Variants in XYLT1 observed in about 807,000 individuals in gnomAD.
The protein encoded by XYLT1 is beta-D-xylosyltransferase 1.
A neutral mutation model predicts 91.3 loss-of-function variants in XYLT1; 36 were observed. The observed-to-expected ratio is 0.39, with a 90% CI of 0.30 to 0.52. The LOEUF is 0.52. XYLT1 is among the 20% of genes least tolerant of loss of function. XYLT1 has a pLI of 0.68. For synonymous variants in XYLT1, 588 were observed against 532.0 expected (o/e 1.11, Z -1.45); for missense variants, 1,242 against 1,284.5 (o/e 0.97, Z 0.51).
chr16:17,142,344 T>C (rs1358386398), intron 6 of XYLT1, among the ~76,000 whole-genome samples: 1 of 151,636 alleles, frequency 6.6e-6, no homozygotes, highest in Admixed American at 6.6e-5. Context: ...AAATACATTT[T>C]AAAACACTGA....
intron 1 of XYLT1, among the ~76,000 whole-genome samples, chr16:17,379,390 G>A (rs949800308): frequency 1.4e-4 from 22 of 152,220 alleles, no homozygotes; most frequent in Admixed American, 1.1e-3. Flanking sequence ...CAGGGAGGCC[G>A]ACTAAGAGAT....
intron 2 of XYLT1, among the ~76,000 whole-genome samples, chr16:17,320,129 C>T (rs2034694344): frequency 6.6e-6 from 1 of 152,208 alleles, no homozygotes; most frequent in African/African-American, 2.4e-5. Context: ...CACTAATCAA[C>T]ATTTGTAGTG....
chr16:17,402,521 G>C (rs2035983181), intron 1 of XYLT1, among the ~76,000 whole-genome samples: 1 of 152,080 alleles, frequency 6.6e-6, no homozygotes, highest in Admixed American at 6.5e-5. Flanking sequence ...TAAACTGCTT[G>C]TGGAAAAAAT....
At chr16:17,288,819 C>T (rs1367008425) in intron 2 of XYLT1, among the ~76,000 whole-genome samples, 2 of 152,142 alleles carry the variant, frequency 1.3e-5, no homozygotes, top group African/African-American at 4.8e-5. Flanking sequence ...TCAGGAGAAC[C>T]ACCACTGAGA....
chr16:17,456,652 T>C (rs772966330), intron 1 of XYLT1, among the ~76,000 whole-genome samples: 16 of 152,172 alleles, frequency 1.1e-4, no homozygotes, highest in Admixed American at 3.3e-4. Context: ...CAGTACCAAC[T>C]TTCTGGCAGT....
At chr16:17,423,610 T>C (rs1268239486) in intron 1 of XYLT1, among the ~76,000 whole-genome samples, 6 of 151,928 alleles carry the variant, frequency 3.9e-5, no homozygotes, top group Admixed American at 2.6e-4. Flanking sequence ...TATTTCTTTC[T>C]TTTTTCTCTT....
intron 3 of XYLT1, among the ~76,000 whole-genome samples, chr16:17,216,628 G>C (rs1348929697): frequency 6.6e-6 from 1 of 152,132 alleles, no homozygotes; most frequent in Non-Finnish European, 1.5e-5. Context: ...CTGGTCACTC[G>C]GCCAAGCCCT....
intron 3 of XYLT1, among the ~76,000 whole-genome samples, chr16:17,234,781 C>A (rs2033221857): frequency 6.6e-6 from 1 of 152,130 alleles, no homozygotes; most frequent in Non-Finnish European, 1.5e-5. Flanking sequence ...ACCCAGCATT[C>A]CTTGGTGCAC....
intron 10 of XYLT1, among the ~76,000 whole-genome samples, chr16:17,123,753 G>A (rs540504323): frequency 6.6e-6 from 1 of 152,064 alleles, no homozygotes; most frequent in East Asian, 1.9e-4. Context: ...GATGAACTGT[G>A]CCAATATTAC....
rs898973969 is a variant in XYLT1, at chr16:17,105,508, A to C, written c.*3187T>G. On this transcript the variant is annotated 3_prime_UTR_variant, in exon 12 of 12. Transcript: ENST00000261381. ...AATTGCTCACTGCCTCCTTGGAGAC[A>C]CACTGCTTTACGTGTGGACCGGGAA... 1 of 152,178 alleles carries C rather than the reference A, an allele frequency of 6.6e-6. No individual in the cohort carries two copies. Among genetic ancestry groups the C allele is most frequent in the African/African-American group, 2.4e-5 (1 of 41,442 alleles). 9.4% of individuals were successfully genotyped at this position (152,178 alleles called of 1,614,324 possible). A position where few individuals can be genotyped will look rare whatever the true frequency, so the allele number is the denominator to read the frequency against.
At chr16:17,137,802 C>T (rs1420944225) in intron 8 of XYLT1, among the ~76,000 whole-genome samples, 1 of 152,196 alleles carries the variant, frequency 6.6e-6, no homozygotes, top group Non-Finnish European at 1.5e-5. Context: ...CAGAAAAGTG[C>T]AATTCATTAA....
At chr16:17,402,185 T>C (rs1482971985) in intron 1 of XYLT1, among the ~76,000 whole-genome samples, 4 of 149,122 alleles carry the variant, frequency 2.7e-5, no homozygotes, top group Admixed American at 2.7e-4. Flanking sequence ...CCAGGCATGG[T>C]GGTGCACACC....
At chr16:17,448,306 A>C (rs2036619215) in intron 1 of XYLT1, among the ~76,000 whole-genome samples, 1 of 152,204 alleles carries the variant, frequency 6.6e-6, no homozygotes, top group South Asian at 2.1e-4. Flanking sequence ...CGGAGGTTGC[A>C]GTGAGCCGAG....
intron 1 of XYLT1, among the ~76,000 whole-genome samples, chr16:17,373,783 G>A (rs577811684): frequency 1.3e-5 from 2 of 152,300 alleles, no homozygotes; most frequent in East Asian, 3.9e-4. Flanking sequence ...GCTAGAATTT[G>A]ATCAAATTCA....
At chr16:17,256,356 C>T (rs1159068228) in intron 3 of XYLT1, among the ~76,000 whole-genome samples, 6 of 151,940 alleles carry the variant, frequency 3.9e-5, no homozygotes, top group Non-Finnish European at 5.9e-5. Flanking sequence ...TCCAGGGAAT[C>T]GAATGAAGAG....
At chr16:17,219,133 T>G (rs1264566163) in intron 3 of XYLT1, among the ~76,000 whole-genome samples, 2 of 151,690 alleles carry the variant, frequency 1.3e-5, no homozygotes, top group Non-Finnish European at 2.9e-5. Context: ...AATACAAAAA[T>G]TAGCTGGGCG....
intron 1 of XYLT1, among the ~76,000 whole-genome samples, chr16:17,414,026 C>T (rs1169549582): frequency 6.6e-6 from 1 of 152,218 alleles, no homozygotes; most frequent in Non-Finnish European, 1.5e-5. Context: ...TTTGCCCTGC[C>T]TTGCCTCACC....
At chr16:17,264,110 T>A (rs1293672675) in intron 2 of XYLT1, among the ~76,000 whole-genome samples, 1 of 152,194 alleles carries the variant, frequency 6.6e-6, no homozygotes, top group Non-Finnish European at 1.5e-5. Context: ...TTGTTGTATA[T>A]TGTTGCATGT....
chr16:17,331,467 G>C (rs1445721125), intron 2 of XYLT1, among the ~76,000 whole-genome samples: 1 of 151,680 alleles, frequency 6.6e-6, no homozygotes, highest in African/African-American at 2.4e-5. Flanking sequence ...GCCAGATGTA[G>C]CCTTTGGCTT....
Sources: allele counts gnomAD v4.1 joint callset (sites outside exome capture counted in the v4.1 genomes callset), GRCh38; gene constraint gnomAD v4.1.1; transcripts MANE v1.5; gene names NCBI Gene and HGNC (gene_info 2026-07-23, HGNC 2026-07-21).